LAMA3: variants seen among roughly 807,000 people sequenced by gnomAD.
LAMA3 encodes laminin subunit alpha 3, also known as laminin subunit alpha-3.
A neutral mutation model predicts 402.0 loss-of-function variants in LAMA3; 281 were observed. The ratio of observed to expected loss-of-function variants is 0.70; its 90% CI spans 0.63 to 0.77. LAMA3 has a LOEUF of 0.77. Among genes scored for constraint, LAMA3 ranks in the 30% least tolerant of loss-of-function variants. The pLI is 0.00. For synonymous variants in LAMA3, 1,431 were observed against 1,558.4 expected, an observed-to-expected ratio of 0.92 and a Z score of 1.93; for missense variants, 3,840 against 4,215.5, an observed-to-expected ratio of 0.91 and a Z score of 2.47.
At position 23,763,450 on chromosome 18, in the gene LAMA3, A is replaced by T. The variant is rs769645021; in HGVS notation, c.1109A>T (p.Asp370Val). ...GHASNCYYDP[D>V]VERQQASLNT... ...GCCAGCAACTGTTACTATGATCCAG[A>T]TGTTGAGCGGCAGCAGGCAAGCTTG... Residue 370 changes from aspartate (D) to valine (V), a missense_variant, in exon 8 of 75, where the codon GAT (aspartate) becomes GTT (valine). Transcript: ENST00000313654. The T allele has an allele frequency of 6.2e-7, 1 of 1,613,942 alleles. No individual in the cohort carries two copies. The highest frequency in any genetic ancestry group is 1.3e-5 in the African/African-American group (1 of 74,900).
intron 41 of LAMA3, 69 bp downstream of exon 41, chr18:23,884,922 G>C: frequency 2.5e-6 from 3 of 1,222,438 alleles, no homozygotes; most frequent in Non-Finnish European, 3.5e-6. Flanking sequence ...GGGCTGCCAG[G>C]TGCTGGCACA....
intron 72 of LAMA3, among the ~76,000 whole-genome samples, chr18:23,951,393 A>C (rs1484532556): frequency 6.6e-6 from 1 of 152,102 alleles, no homozygotes; most frequent in Non-Finnish European, 1.5e-5. Context: ...GTAACCTTTG[A>C]GTTGAGCTGA....
rs536777328 is a variant in LAMA3, at chr18:23,876,061, C to T, written c.4999-233C>T. Among the ~76,000 whole-genome samples, 11 of 152,308 alleles carry T rather than the reference C, an allele frequency of 7.2e-5. 1 individual carries two copies. In the South Asian group the frequency reaches 2.3e-3, roughly 32 times the overall value. Reference sequence around the variant, plus strand: ...CTCAGTGGTGCACATGCCTGTGGTTCCAGCTACGTTGGAGGCTGAGGCAGG... The same window carrying T: ...CTCAGTGGTGCACATGCCTGTGGTTTCAGCTACGTTGGAGGCTGAGGCAGG... On this transcript the variant is annotated intron_variant, in intron 38 of 74. Transcript: ENST00000313654.
intron 25 of LAMA3, among the ~76,000 whole-genome samples, chr18:23,837,570 G>GATATATATATATATATTAT (rs2063610030): frequency 1.2e-5 from 1 of 83,284 alleles, no homozygotes; most frequent in Non-Finnish European, 2.3e-5. Flanking sequence ...CAGTTAATCA[G>GATATATATATATATATTAT]ATATATATAT....
rs1264176345 is a variant in LAMA3 at position 23,921,450 on chromosome 18, A to G, written c.8044-2A>G. On this transcript the variant is annotated splice_acceptor_variant, in intron 61 of 74. Coordinates refer to ENST00000313654, the MANE Select transcript of LAMA3 (RefSeq NM_198129.4). LOFTEE classifies it high-confidence loss of function. ...TGCTGATTCATCTCTCATTTATTTC[A>G]GATTCAGATCAAAATTGGAAAACTC... is the stretch of plus-strand genomic sequence containing the variant. 6.2e-7 allele frequency: 1 copy of G among 1,612,592 alleles called. No individual in the cohort carries two copies. Among genetic ancestry groups the G allele is most frequent in the East Asian group, 2.2e-5 (1 of 44,828 alleles).
At chr18:23,768,152 A>C (rs2062117349) in intron 8 of LAMA3, among the ~76,000 whole-genome samples, 1 of 129,450 alleles carries the variant, frequency 7.7e-6, no homozygotes, top group African/African-American at 2.9e-5. Context: ...TAAACTAAAG[A>C]GCTTCTATAC....
At chr18:23,802,659 G>A (rs1037698903) in intron 12 of LAMA3, among the ~76,000 whole-genome samples, 1 of 152,186 alleles carries the variant, frequency 6.6e-6, no homozygotes, top group African/African-American at 2.4e-5. Context: ...CCTGGTAGAA[G>A]CATTTCTTCC....
chr18:23,911,501 G>A (rs1044449656), intron 55 of LAMA3, among the ~76,000 whole-genome samples: 1 of 151,890 alleles, frequency 6.6e-6, no homozygotes, highest in African/African-American at 2.4e-5. Flanking sequence ...GCATGTGATC[G>A]GTGGGCTTGT....
chr18:23,816,802 T>A (rs28455774), intron 18 of LAMA3, among the ~76,000 whole-genome samples: 33,099 of 152,034 alleles, frequency 0.22, 5,209 homozygotes, highest in East Asian at 0.64. Flanking sequence ...AACTTCCATG[T>A]GCAAGTTGGA....
At chr18:23,749,231 G>A (rs1455012904) in intron 3 of LAMA3, among the ~76,000 whole-genome samples, 197 bp from the exon 4 acceptor site, 2 of 152,204 alleles carry the variant, frequency 1.3e-5, no homozygotes, top group Non-Finnish European at 2.9e-5. Flanking sequence ...GCCACTGAAA[G>A]TCAACTGGCC....
In LAMA3 at chr18:23,940,607, T is replaced by C. The variant is rs973294798; in HGVS notation, c.9026+1221T>C. On this transcript the variant is annotated intron_variant, in intron 68 of 74. Coordinates refer to ENST00000313654, the MANE Select transcript of LAMA3 (RefSeq NM_198129.4). ...CTTTTCTTGCAGGGAGGAGAGGTCATAGCTTATAAGGAGGCTGGCCCTTGA... is the reference window on the plus strand; with the variant it reads ...CTTTTCTTGCAGGGAGGAGAGGTCACAGCTTATAAGGAGGCTGGCCCTTGA... 1.1e-4 allele frequency among the ~76,000 whole-genome samples: 17 copies of C among 152,190 alleles called. 1 individual carries two copies. The East Asian group carries it at 1.7e-3, about 16-fold the overall frequency.
At chr18:23,751,261 T>G (rs993895840) in intron 5 of LAMA3, among the ~76,000 whole-genome samples, 173 bp downstream of exon 5, 2 of 152,260 alleles carry the variant, frequency 1.3e-5, no homozygotes, top group African/African-American at 2.4e-5. Context: ...TAATGACTTA[T>G]AAAAATGGCT....
intron 13 of LAMA3, among the ~76,000 whole-genome samples, chr18:23,812,077 G>A (rs774860707): frequency 6.6e-6 from 1 of 152,008 alleles, no homozygotes; most frequent in African/African-American, 2.4e-5. Flanking sequence ...GTTTCACCAT[G>A]TCAGCCAGGA....
chr18:23,919,644 G>A (rs2081761424), intron 60 of LAMA3, among the ~76,000 whole-genome samples: 1 of 152,156 alleles, frequency 6.6e-6, no homozygotes. Flanking sequence ...AGGCAAGACG[G>A]GGGATCCAGG....
intron 48 of LAMA3, 45 bp downstream of exon 48, chr18:23,901,368 A>G: frequency 6.7e-7 from 1 of 1,503,662 alleles, no homozygotes; most frequent in East Asian, 2.3e-5. Flanking sequence ...AATAAGGATG[A>G]GAGAAGCAGG....
chr18:23,851,477 T>G (rs1472603121), intron 32 of LAMA3, among the ~76,000 whole-genome samples: 1 of 152,216 alleles, frequency 6.6e-6, no homozygotes, highest in Non-Finnish European at 1.5e-5. Flanking sequence ...GCCTTAGGTC[T>G]TCATCTGTAA....
At chr18:23,884,010 C>G (rs1167406440) in intron 40 of LAMA3, among the ~76,000 whole-genome samples, 2 of 150,982 alleles carry the variant, frequency 1.3e-5, no homozygotes, top group Non-Finnish European at 2.9e-5. Flanking sequence ...AGTGTCATGT[C>G]CAGTGGCAGA....
chr18:23,776,553 C>T (rs903562592), intron 10 of LAMA3, among the ~76,000 whole-genome samples: 1 of 152,190 alleles, frequency 6.6e-6, no homozygotes. Flanking sequence ...AACACTGTCA[C>T]AAGGAGAGCC....
chr18:23,819,733 C>A, intron 18 of LAMA3, 108 bp from the exon 19 acceptor site: 1 of 949,306 alleles, frequency 1.1e-6, no homozygotes, highest in Non-Finnish European at 1.7e-6. Flanking sequence ...ATTTAATGTA[C>A]TCTGTCAATG....
Sources: gnomAD v4.1 joint callset for allele counts (sites outside exome capture counted in the v4.1 genomes callset) on GRCh38, gnomAD v4.1.1 for gene constraint, MANE v1.5 for transcripts, NCBI Gene and HGNC (gene_info 2026-07-23, HGNC 2026-07-21) for gene names.